The following CDK8 variants were observed in gnomAD, a reference collection of about 807,000 sequenced individuals.
CDK8 encodes cyclin-dependent kinase 8.
CDK8 carries 29 observed loss-of-function variants against 71.5 expected under a neutral mutation model. The ratio of observed to expected loss-of-function variants is 0.41; its 90% CI spans 0.30 to 0.55. The LOEUF is 0.55. Ranked by LOEUF, CDK8 falls within the 20% of genes least tolerant of loss-of-function variation. The probability of loss-of-function intolerance (pLI) is 0.37; values close to 1 mark genes in which losing one functional copy is unlikely to be tolerated. For synonymous variants in CDK8, 161 were observed against 192.1 expected, an observed-to-expected ratio of 0.84 and a Z score of 1.34; for missense variants, 288 against 572.6, an observed-to-expected ratio of 0.50 and a Z score of 5.07.
chr13:26,309,094 C>T (rs997072804), intron 1 of CDK8, among the ~76,000 whole-genome samples: 6 of 151,944 alleles, frequency 3.9e-5, no homozygotes, highest in Non-Finnish European at 1.5e-5. Context: ...TAGTAAACAC[C>T]TCCTGTCATT....
intron 1 of CDK8, among the ~76,000 whole-genome samples, chr13:26,278,090 A>AATG (rs1435429222): frequency 6.6e-6 from 1 of 152,196 alleles, no homozygotes; most frequent in African/African-American, 2.4e-5. Flanking sequence ...ACATGTCCTA[A>AATG]ATGACAATTT....
At chr13:26,340,595 C>T (rs533434930) in intron 2 of CDK8, among the ~76,000 whole-genome samples, 2 of 152,168 alleles carry the variant, frequency 1.3e-5, no homozygotes, top group South Asian at 4.2e-4. Context: ...TTTTATCAGG[C>T]CTTCCTCCTT....
intron 1 of CDK8, among the ~76,000 whole-genome samples, chr13:26,333,307 G>T (rs1024346803): frequency 6.6e-6 from 1 of 151,826 alleles, no homozygotes; most frequent in African/African-American, 2.4e-5. Context: ...GCCCGGCTAA[G>T]TTTCGTATTT....
At chr13:26,318,307 T>G (rs1347809001) in intron 1 of CDK8, among the ~76,000 whole-genome samples, 1 of 151,886 alleles carries the variant, frequency 6.6e-6, no homozygotes, top group Non-Finnish European at 1.5e-5. Flanking sequence ...AGCTCTTGAT[T>G]TAAAAAAAAA....
chr13:26,289,199 C>T (rs1352199109), intron 1 of CDK8, among the ~76,000 whole-genome samples: 3 of 151,752 alleles, frequency 2.0e-5, no homozygotes, highest in Non-Finnish European at 2.9e-5. Context: ...GGACTACAGG[C>T]GCATGCCACC....
chr13:26,298,814 G>A (rs371207526), intron 1 of CDK8, among the ~76,000 whole-genome samples: 2 of 152,108 alleles, frequency 1.3e-5, no homozygotes, highest in African/African-American at 4.8e-5. Flanking sequence ...ACGCTTTTCC[G>A]GTAGTGTTAA....
intron 1 of CDK8, among the ~76,000 whole-genome samples, chr13:26,285,147 G>C (rs561669982): frequency 1.3e-5 from 2 of 152,280 alleles, no homozygotes; most frequent in African/African-American, 4.8e-5. Context: ...GCTGAGGCAG[G>C]AGAATCGCTT....
chr13:26,268,515 C>A (rs1423153241), intron 1 of CDK8, among the ~76,000 whole-genome samples: 1 of 151,866 alleles, frequency 6.6e-6, no homozygotes, highest in Non-Finnish European at 1.5e-5. Flanking sequence ...GTAGTTTTGC[C>A]ATGTTGCCCA....
chr13:26,373,920 G>A (rs572105927), intron 4 of CDK8, among the ~76,000 whole-genome samples: 120 of 149,836 alleles, frequency 8.0e-4, no homozygotes, highest in African/African-American at 2.0e-3. Flanking sequence ...AGTGGCTCAC[G>A]CCTGTAATCC....
chr13:26,314,142 C>T (rs190626845), intron 1 of CDK8, among the ~76,000 whole-genome samples: 2 of 152,346 alleles, frequency 1.3e-5, no homozygotes, highest in African/African-American at 4.8e-5. Flanking sequence ...AATTTTCTAT[C>T]ATGCCGTGGA....
chr13:26,346,027 G>C (rs1180865239), intron 2 of CDK8, among the ~76,000 whole-genome samples: 1 of 152,122 alleles, frequency 6.6e-6, no homozygotes, highest in Non-Finnish European at 1.5e-5. Flanking sequence ...CATTCCTCTA[G>C]GATGTTAGCT....
intron 6 of CDK8, among the ~76,000 whole-genome samples, chr13:26,390,681 C>A (rs780137733): frequency 6.6e-6 from 1 of 152,146 alleles, no homozygotes; most frequent in African/African-American, 2.4e-5. Flanking sequence ...AAATGTGAGG[C>A]ATTCTGCTAA....
At chr13:26,284,924 C>T (rs1317369465) in intron 1 of CDK8, among the ~76,000 whole-genome samples, 2 of 130,732 alleles carry the variant, frequency 1.5e-5, no homozygotes, top group East Asian at 4.6e-4. Flanking sequence ...CCCTGATGAA[C>T]ATAAATGCAA....
intron 2 of CDK8, among the ~76,000 whole-genome samples, chr13:26,341,300 T>C (rs936828778): frequency 2.0e-5 from 3 of 152,148 alleles, no homozygotes; most frequent in African/African-American, 7.2e-5. Context: ...CTAATGTTTA[T>C]ATTTTTAGTA....
At chr13:26,375,605 T>G (rs955376885) in intron 4 of CDK8, among the ~76,000 whole-genome samples, 1 of 152,226 alleles carries the variant, frequency 6.6e-6, no homozygotes, top group Non-Finnish European at 1.5e-5. Context: ...TGTAAACATA[T>G]ATGCACAAAG....
chr13:26,360,680 G>A lies in CDK8; in HGVS notation c.456+6800G>A, dbSNP rs143613581. Reference sequence around the variant, plus strand: ...CTGCCTACCAAAATACACAATTTGTGTATACAATATTGCATGTTTGTTGAA... The same window carrying A: ...CTGCCTACCAAAATACACAATTTGTATATACAATATTGCATGTTTGTTGAA... On this transcript the variant is annotated intron_variant, in intron 4 of 12. Coordinates refer to ENST00000381527, the MANE Select transcript of CDK8 (RefSeq NM_001260.3). Among the ~76,000 whole-genome samples, 700 of 152,272 alleles carry A rather than the reference G, an allele frequency of 4.6e-3. 5 individuals are homozygous for A. Among genetic ancestry groups the A allele is most frequent in the African/African-American group, 0.016 (650 of 41,540 alleles).
chr13:26,367,351 C>T (rs7994844), intron 4 of CDK8, among the ~76,000 whole-genome samples: 54,645 of 150,982 alleles, frequency 0.36, 10,047 homozygotes, highest in East Asian at 0.54. Flanking sequence ...TGGTAGGAAG[C>T]GATAGAAAAT....
chr13:26,346,346 T>A (rs1300456272), intron 2 of CDK8, among the ~76,000 whole-genome samples: 1 of 152,200 alleles, frequency 6.6e-6, no homozygotes, highest in African/African-American at 2.4e-5. Flanking sequence ...AAACCTTTCA[T>A]TGGAGGTAAA....
chr13:26,329,793 T>A (rs1875221833), intron 1 of CDK8, among the ~76,000 whole-genome samples: 1 of 152,054 alleles, frequency 6.6e-6, no homozygotes, highest in South Asian at 2.1e-4. Flanking sequence ...CCTGAGCCAC[T>A]GCACCCGGCC....
Sources: allele counts gnomAD v4.1 joint callset (sites outside exome capture counted in the v4.1 genomes callset), GRCh38; gene constraint gnomAD v4.1.1; transcripts MANE v1.5; gene names NCBI Gene and HGNC (gene_info 2026-07-23, HGNC 2026-07-21).